Variants in MRPS31 observed in about 807,000 individuals in gnomAD.
MRPS31 encodes mitochondrial ribosomal protein S31.
A neutral mutation model predicts 43.1 loss-of-function variants in MRPS31; 32 were observed. That is an observed-to-expected ratio of 0.74 (90% CI 0.56 to 1.00). The LOEUF is 1.00. MRPS31 is among the 50% of genes least tolerant of loss of function. The probability of loss-of-function intolerance (pLI) is 0.00; values close to 1 mark genes in which losing one functional copy is unlikely to be tolerated. For missense variants in MRPS31, 437 were observed against 466.7 expected, an observed-to-expected ratio of 0.94 and a Z score of 0.59; for synonymous variants, 165 against 161.6, an observed-to-expected ratio of 1.02 and a Z score of -0.16.
intron 6 of MRPS31, among the ~76,000 whole-genome samples, chr13:40,743,666 A>C (rs1417800533): frequency 6.6e-6 from 1 of 152,214 alleles, no homozygotes; most frequent in Non-Finnish European, 1.5e-5. Flanking sequence ...ATCTCACACC[A>C]GTCTGAATAG....
intron 5 of MRPS31, among the ~76,000 whole-genome samples, chr13:40,750,279 T>A (rs1880348740): frequency 6.6e-6 from 1 of 152,122 alleles, no homozygotes; most frequent in Non-Finnish European, 1.5e-5. Flanking sequence ...CAAAGGAGTA[T>A]ATACTATGTG....
intron 6 of MRPS31, among the ~76,000 whole-genome samples, chr13:40,736,998 A>G (rs1879932418): frequency 6.6e-6 from 1 of 151,562 alleles, no homozygotes; most frequent in Non-Finnish European, 1.5e-5. Context: ...AATTGGATAA[A>G]GAGTCAAGAC....
intron 6 of MRPS31, among the ~76,000 whole-genome samples, chr13:40,730,313 G>A (rs926953222): frequency 1.3e-4 from 20 of 151,674 alleles, no homozygotes; most frequent in Non-Finnish European, 1.9e-4. Context: ...CTCAAGGTCA[G>A]GAGTTCAAGA....
At chr13:40,770,703 C>G (rs1880981959) in intron 1 of MRPS31, 1 of 404,596 alleles carries the variant, frequency 2.5e-6, no homozygotes, top group South Asian at 2.3e-5. Flanking sequence ...ATGAGACTAT[C>G]AAATAAATCT....
rs1286832143 is a variant in MRPS31, at chr13:40,756,979, T to C, written c.634A>G (p.Arg212Gly). The change falls in exon 4 of 7, where the codon AGA becomes GGA. Residue 212 changes from arginine (R) to glycine (G), a missense_variant. Transcript: ENST00000323563. ...SNIISDMKVA[R>G]SATARVRSRP... ...GAACGAACTCTAGCTGTAGCAGATC[T>C]GGCAACTTTCATATCTGATATTATG... is the stretch of plus-strand genomic sequence containing the variant. The C allele has an allele frequency of 1.2e-6, 2 of 1,612,890 alleles. No homozygotes were observed. Among genetic ancestry groups the C allele is most frequent in the Non-Finnish European group, 1.7e-6 (2 of 1,179,452 alleles).
intron 5 of MRPS31, among the ~76,000 whole-genome samples, chr13:40,753,473 G>A (rs1452896984): frequency 3.3e-5 from 5 of 152,194 alleles, no homozygotes; most frequent in African/African-American, 1.2e-4. Context: ...CATTTCAAGG[G>A]GGAAGCCTGA....
chr13:40,767,164 T>C, intron 1 of MRPS31, 131 bp from the exon 2 acceptor site: 1 of 440,886 alleles, frequency 2.3e-6, no homozygotes, highest in Non-Finnish European at 3.1e-6. Flanking sequence ...TTCCGTTGCT[T>C]TTTTTTTTTT....
chr13:40,746,063 T>G (rs1880232797), intron 6 of MRPS31, among the ~76,000 whole-genome samples: 1 of 152,204 alleles, frequency 6.6e-6, no homozygotes, highest in South Asian at 2.1e-4. Context: ...CAACAAACCT[T>G]AATTTTTTAT....
chr13:40,764,549 C>T (rs182209933), intron 2 of MRPS31, among the ~76,000 whole-genome samples: 3 of 152,118 alleles, frequency 2.0e-5, no homozygotes, highest in South Asian at 2.1e-4. Context: ...AGGGTAAACA[C>T]GGTAATGTCC....
intron 1 of MRPS31, among the ~76,000 whole-genome samples, chr13:40,769,321 A>G (rs2138021387): frequency 7.0e-6 from 1 of 142,162 alleles, no homozygotes; most frequent in South Asian, 2.3e-4. Flanking sequence ...GGTTGCAGTG[A>G]GCCGAGATCA....
intron 6 of MRPS31, among the ~76,000 whole-genome samples, chr13:40,737,374 T>C (rs1055184243): frequency 5.3e-5 from 8 of 151,898 alleles, no homozygotes; most frequent in Admixed American, 2.0e-4. Flanking sequence ...GACAGATCAA[T>C]GAGACAGAAA....
intron 5 of MRPS31, among the ~76,000 whole-genome samples, chr13:40,751,050 T>G (rs2138006578): frequency 6.6e-6 from 1 of 152,112 alleles, no homozygotes; most frequent in Non-Finnish European, 1.5e-5. Context: ...GTAAGCCTTA[T>G]TTTATCTATT....
In MRPS31 at chr13:40,766,917, C is replaced by T. The variant is rs765272512; in HGVS notation, c.269G>A (p.Ser90Asn). ...GTCTTTTTTCGTATTTTCCTTTTCA[C>T]TGTCTTGGCTCTCTGAAGTCTCCTT... ...TSKETSESQD[S>N]EKENTKKDLL... Residue 90 changes from serine to asparagine, a missense_variant, in exon 2 of 7, where the codon AGT (serine) becomes AAT (asparagine). Transcript: ENST00000323563. 1.2e-6 allele frequency: 2 copies of T among 1,614,134 alleles called. No homozygotes were observed. The highest frequency in any genetic ancestry group is 1.7e-6 in the Non-Finnish European group (2 of 1,180,016).
chr13:40,769,055 G>C (rs1487424330), intron 1 of MRPS31, among the ~76,000 whole-genome samples: 1 of 151,942 alleles, frequency 6.6e-6, no homozygotes, highest in African/African-American at 2.4e-5. Context: ...GTGAGCTCAA[G>C]AGCCTGTATC....
chr13:40,734,241 C>G (rs1879805264), intron 6 of MRPS31, among the ~76,000 whole-genome samples: 1 of 152,100 alleles, frequency 6.6e-6, no homozygotes, highest in African/African-American at 2.4e-5. Context: ...TCAAGGGTCT[C>G]AAAGCATGTG....
At chr13:40,764,430 C>T (rs1880786490) in intron 2 of MRPS31, among the ~76,000 whole-genome samples, 1 of 151,896 alleles carries the variant, frequency 6.6e-6, no homozygotes, top group African/African-American at 2.4e-5. Context: ...TACAGAGGAC[C>T]AACTGTATAT....
rs1271954397 is a variant in MRPS31, at chr13:40,759,013, C to T, written c.534G>A (p.Leu178=). ...FDKQTTKSEL[L]SQLQQHEEES... Reference sequence around the variant, plus strand: ...CTTCCTCATGCTGCTGGAGCTGGCTCAGCAGCTCTGACTTGGTTGTTTGCT... The same window carrying T: ...CTTCCTCATGCTGCTGGAGCTGGCTTAGCAGCTCTGACTTGGTTGTTTGCT... The change falls in exon 3 of 7, where the codon CTG becomes CTA. Residue 178 remains leucine, a synonymous_variant. Transcript: ENST00000323563. The T allele has an allele frequency of 6.2e-7, 1 of 1,608,568 alleles. No homozygotes were observed.
chr13:40,757,742 C>CT (rs374204641), intron 3 of MRPS31, among the ~76,000 whole-genome samples: 1,933 of 129,562 alleles, frequency 0.015, 12 homozygotes, highest in Non-Finnish European at 0.019. Flanking sequence ...GTGCGCCTGG[C>CT]TTTTTTTTTT....
chr13:40,761,267 C>CAA lies in MRPS31; in HGVS notation c.441-2163_441-2162dup, dbSNP rs11440084. ...GAGGCACAGAGTGAGAGTCTGTCTC[C>CAA]AAAAAAAAAAAGAAAAGAAAAATAG... On this transcript the variant is annotated intron_variant, in intron 2 of 6. Coordinates refer to ENST00000323563, the MANE Select transcript of MRPS31 (RefSeq NM_005830.4). Among the ~76,000 whole-genome samples, 340 of 136,828 alleles carry CAA rather than the reference C, an allele frequency of 2.5e-3. 4 individuals carry two copies. In the East Asian group the frequency reaches 0.047, roughly 19 times the overall value. The allele number at this position is 136,828 out of a possible 152,430, so 89.8% of individuals were successfully genotyped here.
Sources: allele counts gnomAD v4.1 joint callset (sites outside exome capture counted in the v4.1 genomes callset), GRCh38; gene constraint gnomAD v4.1.1; transcripts MANE v1.5; gene names NCBI Gene and HGNC (gene_info 2026-07-23, HGNC 2026-07-21).